ZFHX3: variants seen among roughly 807,000 people sequenced by gnomAD.
The protein encoded by ZFHX3 is zinc finger homeobox protein 3.
ZFHX3 carries 42 observed loss-of-function variants against 279.1 expected under a neutral mutation model. The observed-to-expected ratio is 0.15, with a 90% CI of 0.12 to 0.19. The LOEUF is 0.19. Among genes scored for constraint, ZFHX3 ranks in the 10% least tolerant of loss-of-function variants. ZFHX3 has a pLI of 1.00. For synonymous variants in ZFHX3, 2,293 were observed against 1,957.8 expected, an observed-to-expected ratio of 1.17 and a Z score of -4.52; for missense variants, 4,981 against 4,754.0, an observed-to-expected ratio of 1.05 and a Z score of -1.40.
intron 3 of ZFHX3, among the ~76,000 whole-genome samples, chr16:73,375,416 A>G (rs1365622879): frequency 6.6e-6 from 1 of 152,150 alleles, no homozygotes; most frequent in Non-Finnish European, 1.5e-5. Context: ...CCTTTTAGTG[A>G]GAAGCAGTAT....
intron 3 of ZFHX3, among the ~76,000 whole-genome samples, chr16:72,939,466 C>T (rs967169653): frequency 2.0e-5 from 3 of 152,232 alleles, no homozygotes. Context: ...GGAGCTCCTC[C>T]CAGATCTTCA....
chr16:73,073,994 C>T (rs937828736), intron 8 of ZFHX3, among the ~76,000 whole-genome samples: 1 of 152,240 alleles, frequency 6.6e-6, no homozygotes, highest in Non-Finnish European at 1.5e-5. Flanking sequence ...AGGTTCCCGA[C>T]TCCCAGCTGT....
chr16:73,691,061 A>T (rs1488361866), intron 1 of ZFHX3, among the ~76,000 whole-genome samples: 1 of 152,242 alleles, frequency 6.6e-6, no homozygotes, highest in Non-Finnish European at 1.5e-5. Flanking sequence ...ATAAGCAATT[A>T]AACATTTCTC....
intron 5 of ZFHX3, among the ~76,000 whole-genome samples, chr16:73,229,088 T>C (rs936649240): frequency 1.3e-5 from 2 of 152,170 alleles, no homozygotes; most frequent in Non-Finnish European, 2.9e-5. Context: ...ATGGTCAGTA[T>C]TGTCAGAGAT....
At chr16:73,082,490 C>T (rs1597150520) in intron 8 of ZFHX3, among the ~76,000 whole-genome samples, 2 of 151,798 alleles carry the variant, frequency 1.3e-5, no homozygotes, top group South Asian at 2.1e-4. Context: ...AGGATGGTCT[C>T]GATCTCCTGA....
chr16:73,014,217 T>C (rs1279675980), intron 1 of ZFHX3: 1 of 152,076 alleles, frequency 6.6e-6, no homozygotes, highest in Non-Finnish European at 1.5e-5. Flanking sequence ...AAAGCAGCCC[T>C]GCCAACACCC....
At chr16:72,917,440 T>C (rs944979810) in intron 3 of ZFHX3, among the ~76,000 whole-genome samples, 1 of 152,248 alleles carries the variant, frequency 6.6e-6, no homozygotes, top group African/African-American at 2.4e-5. Flanking sequence ...TTAATTTGTT[T>C]ATATTATCCA....
intron 6 of ZFHX3, among the ~76,000 whole-genome samples, chr16:73,143,545 G>A (rs1409297111): frequency 1.3e-5 from 2 of 152,106 alleles, no homozygotes; most frequent in African/African-American, 2.4e-5. Context: ...AGAGAAATAC[G>A]GCCCGAAAAA....
chr16:73,754,142 C>G (rs1303088240), intron 1 of ZFHX3, among the ~76,000 whole-genome samples: 1 of 152,044 alleles, frequency 6.6e-6, no homozygotes, highest in African/African-American at 2.4e-5. Context: ...GTAGGTTCTC[C>G]CAAACTTACT....
chr16:73,837,987 T>C (rs1013545427), intron 1 of ZFHX3, among the ~76,000 whole-genome samples: 10 of 152,206 alleles, frequency 6.6e-5, no homozygotes, highest in South Asian at 2.1e-4. Context: ...GGTATAGGGA[T>C]AGAAGATTGT....
intron 2 of ZFHX3, among the ~76,000 whole-genome samples, chr16:73,483,848 T>A (rs910408426): frequency 7.9e-5 from 12 of 152,072 alleles, no homozygotes; most frequent in African/African-American, 2.9e-4. Flanking sequence ...ACCGAGGGCT[T>A]TGTCACAAAT....
At chr16:72,805,280 C>T (rs943381762) in intron 7 of ZFHX3, among the ~76,000 whole-genome samples, 1 of 152,124 alleles carries the variant, frequency 6.6e-6, no homozygotes, top group Non-Finnish European at 1.5e-5. Flanking sequence ...CTACGCCTGG[C>T]CAGCAGAGAT....
chr16:73,774,947 C>G (rs1299492608), intron 1 of ZFHX3, among the ~76,000 whole-genome samples: 1 of 152,172 alleles, frequency 6.6e-6, no homozygotes, highest in African/African-American at 2.4e-5. Context: ...CCTTTTACGT[C>G]TCCCTATCTC....
intron 1 of ZFHX3, among the ~76,000 whole-genome samples, chr16:72,965,388 T>C (rs1567609874): frequency 6.6e-6 from 1 of 152,122 alleles, no homozygotes; most frequent in African/African-American, 2.4e-5. Flanking sequence ...GCAGACTGAT[T>C]TGCTTGGATA....
chr16:73,238,481 C>T (rs1265985205), intron 5 of ZFHX3, among the ~76,000 whole-genome samples: 2 of 152,188 alleles, frequency 1.3e-5, no homozygotes, highest in Non-Finnish European at 1.5e-5. Context: ...ATTTCTTTCC[C>T]TATTTCTATT....
intron 3 of ZFHX3, among the ~76,000 whole-genome samples, chr16:73,441,381 C>T (rs956358222): frequency 6.6e-6 from 1 of 152,122 alleles, no homozygotes; most frequent in Non-Finnish European, 1.5e-5. Flanking sequence ...ATCCTGAACT[C>T]CCTGTCATTT....
At chr16:72,814,380 T>C (rs904168279) in intron 5 of ZFHX3, among the ~76,000 whole-genome samples, 1 of 152,160 alleles carries the variant, frequency 6.6e-6, no homozygotes, top group African/African-American at 2.4e-5. Flanking sequence ...ACTTGCTCAA[T>C]AGTGTGGATG....
At chr16:73,818,839 G>A (rs971528556) in intron 1 of ZFHX3, among the ~76,000 whole-genome samples, 1 of 152,208 alleles carries the variant, frequency 6.6e-6, no homozygotes, top group Admixed American at 6.5e-5. Flanking sequence ...ATTAGTCAAA[G>A]AAGTTCAGGG....
chr16:73,216,178 A>ATGT (rs2012199788), intron 5 of ZFHX3, among the ~76,000 whole-genome samples: 1 of 152,216 alleles, frequency 6.6e-6, no homozygotes, highest in African/African-American at 2.4e-5. Context: ...GCTTTGTTAC[A>ATGT]CAGCATTATT....
Sources: gnomAD v4.1 joint callset for allele counts (sites outside exome capture counted in the v4.1 genomes callset) on GRCh38, gnomAD v4.1.1 for gene constraint, MANE v1.5 for transcripts, NCBI Gene and HGNC (gene_info 2026-07-23, HGNC 2026-07-21) for gene names.